TMOD3: variants seen among roughly 807,000 people sequenced by gnomAD.
TMOD3 encodes tropomodulin-3.
Under a neutral mutation model 39.2 loss-of-function variants are expected in TMOD3, and 20 were observed. The ratio of observed to expected loss-of-function variants is 0.51; its 90% CI spans 0.36 to 0.74. The LOEUF (loss-of-function observed/expected upper bound fraction) is 0.74, where lower values mean the gene tolerates loss of function less well. Among genes scored for constraint, TMOD3 ranks in the 30% least tolerant of loss-of-function variants. TMOD3 has a pLI of 0.00. For missense variants in TMOD3, 381 were observed against 412.8 expected (o/e 0.92, Z 0.67); for synonymous variants, 143 against 145.8 (o/e 0.98, Z 0.14).
In TMOD3 at chr15:51,900,046, T is replaced by G. The variant is rs73413168; in HGVS notation, c.736-109T>G. 3.0e-4 allele frequency: 324 copies of G among 1,073,188 alleles called. 1 individual carries two copies. In the African/African-American group the frequency reaches 4.7e-3, roughly 16 times the overall value. 66.5% of individuals were successfully genotyped at this position (1,073,188 alleles called of 1,614,324 possible). ...GGCTACTGTGTCAAACTGAAACAAC[T>G]AATGACAAACATTAAGGCAGTTAAT... On this transcript the variant is annotated intron_variant, in intron 7 of 9. Transcript: ENST00000308580.
At position 51,896,436 on chromosome 15, in the gene TMOD3, C is replaced by T; in HGVS notation, c.645C>T (p.Thr215=). The T allele has an allele frequency of 6.2e-7, 1 of 1,611,380 alleles. No individual in the cohort carries two copies. Among genetic ancestry groups the T allele is most frequent in the Non-Finnish European group, 8.5e-7 (1 of 1,178,240 alleles). Residue 215 remains threonine, a synonymous_variant, in exon 7 of 10, where the codon ACC becomes ACT. Coordinates refer to ENST00000308580, the MANE Select transcript of TMOD3 (RefSeq NM_014547.5). ...CTTTCAAGAATATCCCAATTCCAACCCTAAAAGATTTTGCAAAGGCTTTGG... is the reference window on the plus strand; with the variant it reads ...CTTTCAAGAATATCCCAATTCCAACTCTAAAAGATTTTGCAAAGGCTTTGG... The part of the protein sequence containing the change: ...LNNIKNIPIP[T]LKDFAKALET...
In TMOD3 at chr15:51,911,428, C is replaced by A. The variant is rs1566871314; in HGVS notation, c.*2618C>A. Reference sequence around the variant, plus strand: ...ATTCATCCAATTGAATTTACAAAATCTTTCCAAAATTATAAGGGAGAAAAA... The same window carrying A: ...ATTCATCCAATTGAATTTACAAAATATTTCCAAAATTATAAGGGAGAAAAA... On this transcript the variant is annotated 3_prime_UTR_variant, in exon 10 of 10. Coordinates refer to ENST00000308580, the MANE Select transcript of TMOD3 (RefSeq NM_014547.5). 6.6e-6 allele frequency: 1 copy of A among 152,104 alleles called. No homozygotes were observed. The highest frequency in any genetic ancestry group is 1.5e-5 in the Non-Finnish European group (1 of 68,008). 9.4% of individuals were successfully genotyped at this position (152,104 alleles called of 1,614,324 possible). A position where few individuals can be genotyped will look rare whatever the true frequency, so the allele number is the denominator to read the frequency against.
chr15:51,830,056 G>T (rs12903086), intron 1 of TMOD3, among the ~76,000 whole-genome samples: 4 of 152,076 alleles, frequency 2.6e-5, no homozygotes, highest in Non-Finnish European at 5.9e-5. Flanking sequence ...GTCGCCCGCC[G>T]GTCTAGGCGC....
chr15:51,879,503 A>G (rs1440942741), intron 3 of TMOD3, among the ~76,000 whole-genome samples: 1 of 152,026 alleles, frequency 6.6e-6, no homozygotes, highest in African/African-American at 2.4e-5. Context: ...TATCTACTGA[A>G]AGGTAAAAAT....
In TMOD3 at chr15:51,867,272, G is replaced by A. The variant is rs192685961; in HGVS notation, c.127-1945G>A. On this transcript the variant is annotated intron_variant, in intron 2 of 9. Transcript: ENST00000308580. ...GTAATAATGTTGGAGATGGGAAAAA[G>A]ATGAATGAGTTCTTCAGGAAGTAAA... Among the ~76,000 whole-genome samples, 550 of 152,262 alleles carry A rather than the reference G, an allele frequency of 3.6e-3. 1 individual carries two copies. The highest frequency in any genetic ancestry group is 3.8e-3 in the Non-Finnish European group (260 of 68,010).
intron 9 of TMOD3, among the ~76,000 whole-genome samples, chr15:51,904,862 TAGAGGA>T (rs1319518853): frequency 6.6e-6 from 1 of 152,094 alleles, no homozygotes; most frequent in Non-Finnish European, 1.5e-5. Context: ...TGGTGTGTGA[TAGAGGA>T]AGAGAAGACC....
At chr15:51,853,646 A>G (rs982611037) in intron 1 of TMOD3, among the ~76,000 whole-genome samples, 1 of 152,180 alleles carries the variant, frequency 6.6e-6, no homozygotes, top group African/African-American at 2.4e-5. Flanking sequence ...ATGTATATAT[A>G]AAGATAATAA....
chr15:51,872,192 C>T (rs1489238721), intron 3 of TMOD3, among the ~76,000 whole-genome samples: 2 of 152,066 alleles, frequency 1.3e-5, no homozygotes, highest in Non-Finnish European at 2.9e-5. Flanking sequence ...GTCAGGAGCT[C>T]GAGACCAGCC....
At chr15:51,883,225 A>G (rs1461748607) in intron 3 of TMOD3, among the ~76,000 whole-genome samples, 1 of 152,168 alleles carries the variant, frequency 6.6e-6, no homozygotes, top group Non-Finnish European at 1.5e-5. Flanking sequence ...AAATTTTTCT[A>G]GGTCCTTGGG....
At chr15:51,861,801 G>T (rs544787936) in intron 1 of TMOD3, among the ~76,000 whole-genome samples, 1 of 151,940 alleles carries the variant, frequency 6.6e-6, no homozygotes, top group Non-Finnish European at 1.5e-5. Context: ...GGGACCGCAG[G>T]TGTATACCAC....
At chr15:51,903,712 T>G (rs888926350) in intron 9 of TMOD3, among the ~76,000 whole-genome samples, 71 of 152,354 alleles carry the variant, frequency 4.7e-4, no homozygotes, top group African/African-American at 1.7e-3. Context: ...TTCAGGCGTT[T>G]AATTTGGCTT....
intron 1 of TMOD3, chr15:51,859,086 C>A: frequency 2.0e-6 from 1 of 506,858 alleles, no homozygotes; most frequent in South Asian, 2.4e-5. Context: ...GCCATCTTGT[C>A]TGCCATCGAT....
intron 5 of TMOD3, among the ~76,000 whole-genome samples, chr15:51,891,497 T>C (rs1238734021): frequency 1.3e-5 from 2 of 152,124 alleles, no homozygotes; most frequent in Admixed American, 1.3e-4. Flanking sequence ...TCCTTCCTCT[T>C]TGGGGGAATG....
intron 1 of TMOD3, among the ~76,000 whole-genome samples, chr15:51,840,753 A>G (rs1176893566): frequency 6.6e-6 from 1 of 152,202 alleles, no homozygotes. Flanking sequence ...CATTTATTGT[A>G]CCGTGCTATT....
intron 3 of TMOD3, among the ~76,000 whole-genome samples, chr15:51,886,689 A>AGAGAGAGGGAGAGGGAGACCGTG (rs1211011415): frequency 1.3e-5 from 2 of 150,876 alleles, no homozygotes; most frequent in East Asian, 2.0e-4. Flanking sequence ...AGACCTTGGG[A>AGAGAGAGGGAGAGGGAGACCGTG]GAGAGAGGGA....
At chr15:51,908,035 T>C (rs1336568998) in intron 9 of TMOD3, among the ~76,000 whole-genome samples, 1 of 152,222 alleles carries the variant, frequency 6.6e-6, no homozygotes, top group Non-Finnish European at 1.5e-5. Flanking sequence ...TGGTTTATAT[T>C]ACAGGAGACA....
chr15:51,850,802 TCTCGGCTCACTGTAAC>T (rs1264270752), intron 1 of TMOD3, among the ~76,000 whole-genome samples: 2 of 152,180 alleles, frequency 1.3e-5, no homozygotes, highest in Non-Finnish European at 2.9e-5. Context: ...AGTGGCGCGA[TCTCGGCTCACTGTAAC>T]CTCTGCCTCC....
intron 6 of TMOD3, among the ~76,000 whole-genome samples, chr15:51,894,483 A>C (rs1166931656): frequency 2.6e-5 from 4 of 152,214 alleles, no homozygotes; most frequent in Admixed American, 2.6e-4. Flanking sequence ...GAATTTTGAC[A>C]GGTGCATACA....
chr15:51,851,018 A>C (rs2056358985), intron 1 of TMOD3, among the ~76,000 whole-genome samples: 1 of 152,126 alleles, frequency 6.6e-6, no homozygotes, highest in Admixed American at 6.5e-5. Context: ...GAGCCACCGC[A>C]CTCGGCCGGA....
Sources: allele counts gnomAD v4.1 joint callset (sites outside exome capture counted in the v4.1 genomes callset), GRCh38; gene constraint gnomAD v4.1.1; transcripts MANE v1.5; gene names NCBI Gene and HGNC (gene_info 2026-07-23, HGNC 2026-07-21).